The following SH3D19 variants were observed in gnomAD, a reference collection of about 807,000 sequenced individuals.
SH3D19 encodes SH3 domain containing 19.
In SH3D19, 58 loss-of-function variants were observed where a neutral mutation model predicts 112.1. That is an observed-to-expected ratio of 0.52 (90% CI 0.42 to 0.64). SH3D19 has a LOEUF of 0.64. Among genes scored for constraint, SH3D19 ranks in the 30% least tolerant of loss-of-function variants. The pLI is 0.00. For synonymous variants in SH3D19, 391 were observed against 448.5 expected, an observed-to-expected ratio of 0.87 and a Z score of 1.62; for missense variants, 1,090 against 1,263.4, an observed-to-expected ratio of 0.86 and a Z score of 2.08.
chr4:151,188,911 A>G (rs1039975953), intron 2 of SH3D19, among the ~76,000 whole-genome samples: 16 of 152,242 alleles, frequency 1.1e-4, no homozygotes, highest in Admixed American at 2.0e-4. Flanking sequence ...GCCCCAATCC[A>G]ACATAACTGG....
At chr4:151,230,245 C>T (rs924926808) in intron 1 of SH3D19, among the ~76,000 whole-genome samples, 8 of 152,174 alleles carry the variant, frequency 5.3e-5, no homozygotes, top group South Asian at 2.1e-4. Context: ...GGTACGGCTA[C>T]GCAGATCCTA....
chr4:151,223,610 G>C (rs74877017), intron 2 of SH3D19, among the ~76,000 whole-genome samples: 2 of 152,122 alleles, frequency 1.3e-5, no homozygotes, highest in Admixed American at 1.3e-4. Flanking sequence ...TTTCCTCCAC[G>C]TATCAGCCTC....
intron 8 of SH3D19, among the ~76,000 whole-genome samples, chr4:151,163,947 A>C (rs1757568224): frequency 6.6e-6 from 1 of 152,184 alleles, no homozygotes; most frequent in African/African-American, 2.4e-5. Flanking sequence ...TAACTTCCTA[A>C]GAAACTAGAA....
chr4:151,217,415 T>A (rs945554684), intron 2 of SH3D19, among the ~76,000 whole-genome samples: 2 of 152,170 alleles, frequency 1.3e-5, no homozygotes, highest in African/African-American at 4.8e-5. Context: ...AGTTTTAACA[T>A]CACCAACTAT....
chr4:151,284,279 T>C (rs2150011217), intron 1 of SH3D19, among the ~76,000 whole-genome samples: 1 of 152,342 alleles, frequency 6.6e-6, no homozygotes, highest in African/African-American at 2.4e-5. Flanking sequence ...CTCTCTGTTC[T>C]TCAAATTGGA....
At chr4:151,191,194 C>G (rs781777875) in intron 2 of SH3D19, among the ~76,000 whole-genome samples, 6 of 152,180 alleles carry the variant, frequency 3.9e-5, no homozygotes, top group Non-Finnish European at 7.3e-5. Context: ...CCCATTGTAT[C>G]TAGGAAGTAA....
rs181262822 is a variant in SH3D19, at chr4:151,221,786, C to T, written c.152+4261G>A. Among the ~76,000 whole-genome samples, 41 of 152,188 alleles carry T rather than the reference C, an allele frequency of 2.7e-4. No individual in the cohort carries two copies. In the East Asian group the frequency reaches 6.2e-3, roughly 23 times the overall value. ...GATTAAAAATACTGAGAATACTTTC[C>T]GAATACCCTCAAAGGTACCACAGCA... On this transcript the variant is annotated intron_variant, in intron 2 of 19. Coordinates refer to ENST00000604030, the MANE Select transcript of SH3D19 (RefSeq NM_001378122.1).
intron 1 of SH3D19, among the ~76,000 whole-genome samples, chr4:151,280,401 A>ACTGCAGCTCACCTTGATTGCAG (rs535638399): frequency 7.9e-5 from 12 of 152,264 alleles, no homozygotes; most frequent in South Asian, 6.2e-4. Context: ...CAGTAAGATG[A>ACTGCAGCTCACCTTGATTGCAG]CTGCAGCTCA....
intron 9 of SH3D19, among the ~76,000 whole-genome samples, chr4:151,152,841 T>A (rs1279425247): frequency 6.6e-6 from 1 of 151,314 alleles, no homozygotes; most frequent in African/African-American, 2.4e-5. Flanking sequence ...TATATGTACA[T>A]ATATATATAT....
At position 151,325,414 on chromosome 4, in the gene SH3D19, C is replaced by T. The variant is rs917611502; in HGVS notation, c.-62G>A. 5.5e-5 allele frequency: 48 copies of T among 871,066 alleles called. No individual in the cohort carries two copies. The highest frequency in any genetic ancestry group is 6.5e-5 in the Non-Finnish European group (44 of 672,572). 54.0% of individuals were successfully genotyped at this position (871,066 alleles called of 1,614,324 possible). The stretch of plus-strand genomic sequence containing the variant: ...GAGCTGCGGCCCCGGCGCCCCAGAA[C>T]GCCTGCACCCGGCGCCCCACGCCAC... On this transcript the variant is annotated 5_prime_UTR_variant, in exon 1 of 20. Transcript: ENST00000604030.
intron 8 of SH3D19, among the ~76,000 whole-genome samples, chr4:151,164,581 ATT>A (rs529901482): frequency 5.6e-5 from 8 of 142,934 alleles, no homozygotes; most frequent in South Asian, 2.2e-4. Context: ...CGTTACACTA[ATT>A]TTTTTTTTTT....
In SH3D19 at chr4:151,325,562, G is replaced by T. The variant is rs1402683565; in HGVS notation, c.-210C>A. On this transcript the variant is annotated 5_prime_UTR_variant, in exon 1 of 20. Coordinates refer to ENST00000604030, the MANE Select transcript of SH3D19 (RefSeq NM_001378122.1). Reference sequence around the variant, plus strand: ...GCAGCGGCAGGGCGCGGGCCGAGCCGATTCCCCGCCTCCTTGCGGCGTCCC... The same window carrying T: ...GCAGCGGCAGGGCGCGGGCCGAGCCTATTCCCCGCCTCCTTGCGGCGTCCC... 1 of 285,058 alleles carries T rather than the reference G, an allele frequency of 3.5e-6. No individual in the cohort carries two copies. The highest frequency in any genetic ancestry group is 6.5e-6 in the Non-Finnish European group (1 of 154,478). The allele number at this position is 285,058 out of a possible 1,614,324, so 17.7% of individuals were successfully genotyped here.
chr4:151,322,002 G>A (rs62327164), intron 1 of SH3D19, among the ~76,000 whole-genome samples: 1,913 of 152,210 alleles, frequency 0.013, 14 homozygotes, highest in Non-Finnish European at 0.02. Flanking sequence ...AAGGATCTTG[G>A]ATACCACCAT....
chr4:151,223,506 T>C (rs1269139835), intron 2 of SH3D19, among the ~76,000 whole-genome samples: 2 of 152,168 alleles, frequency 1.3e-5, no homozygotes, highest in Non-Finnish European at 2.9e-5. Context: ...TCATCTTGTA[T>C]TTTCCCTTAG....
intron 1 of SH3D19, among the ~76,000 whole-genome samples, chr4:151,240,405 T>C (rs1770463856): frequency 6.6e-6 from 1 of 150,848 alleles, no homozygotes; most frequent in Admixed American, 6.6e-5. Flanking sequence ...AGCAAGAACA[T>C]GTCTCTTAAA....
At chr4:151,180,494 C>T (rs1284574235) in intron 3 of SH3D19, among the ~76,000 whole-genome samples, 1 of 146,102 alleles carries the variant, frequency 6.8e-6, no homozygotes, top group Admixed American at 7.0e-5. Context: ...GCAAGCTCTG[C>T]CTCCTGGGTT....
intron 2 of SH3D19, among the ~76,000 whole-genome samples, chr4:151,222,667 CTTTTTTTTTT>C (rs1554057762): frequency 3.4e-5 from 3 of 87,252 alleles, no homozygotes; most frequent in South Asian, 4.3e-4. Context: ...CTCTCTCTCT[CTTTTTTTTTT>C]TTTTTTTTTT....
chr4:151,236,071 G>A (rs1770010830), intron 1 of SH3D19, among the ~76,000 whole-genome samples: 1 of 152,232 alleles, frequency 6.6e-6, no homozygotes, highest in Non-Finnish European at 1.5e-5. Flanking sequence ...ATCCAATCAG[G>A]TTGAGAGATG....
intron 13 of SH3D19, among the ~76,000 whole-genome samples, chr4:151,139,249 G>A (rs562064342): frequency 6.6e-6 from 1 of 152,006 alleles, no homozygotes; most frequent in African/African-American, 2.4e-5. Context: ...AGCCTCGCGG[G>A]TTCACGCCAT....
Sources: allele counts gnomAD v4.1 joint callset (sites outside exome capture counted in the v4.1 genomes callset), GRCh38; gene constraint gnomAD v4.1.1; transcripts MANE v1.5; gene names NCBI Gene and HGNC (gene_info 2026-07-23, HGNC 2026-07-21).